CSMD1: variants seen among roughly 807,000 people sequenced by gnomAD.
CSMD1 encodes CUB and sushi domain-containing protein 1.
CSMD1 carries 213 observed loss-of-function variants against 417.5 expected under a neutral mutation model. That is an observed-to-expected ratio of 0.51 (90% CI 0.46 to 0.57). CSMD1 has a LOEUF of 0.57. Ranked by LOEUF, CSMD1 falls within the 20% of genes least tolerant of loss-of-function variation. CSMD1 has a pLI of 0.00. For synonymous variants in CSMD1, 2,862 were observed against 1,736.8 expected (o/e 1.65, Z -16.11); for missense variants, 6,923 against 4,529.7 (o/e 1.53, Z -15.17).
intron 6 of CSMD1, among the ~76,000 whole-genome samples, chr8:3,726,174 G>C (rs896596993): frequency 6.6e-6 from 1 of 152,182 alleles, no homozygotes; most frequent in African/African-American, 2.4e-5. Context: ...ATCTCCACAC[G>C]AATCAGCTCT....
chr8:4,117,276 C>G (rs978671020), intron 3 of CSMD1, among the ~76,000 whole-genome samples: 3 of 151,644 alleles, frequency 2.0e-5, no homozygotes, highest in African/African-American at 7.3e-5. Flanking sequence ...GGAACTCACT[C>G]GAAGCAGCAT....
intron 1 of CSMD1, among the ~76,000 whole-genome samples, chr8:4,843,219 T>G (rs1800942145): frequency 1.3e-5 from 2 of 152,152 alleles, no homozygotes; most frequent in South Asian, 4.1e-4. Context: ...CAGGGCGCTT[T>G]CCTGCATCTT....
chr8:4,396,719 G>T (rs749839030), intron 3 of CSMD1, among the ~76,000 whole-genome samples: 2 of 152,098 alleles, frequency 1.3e-5, no homozygotes, highest in South Asian at 4.1e-4. Context: ...TGAAATCATG[G>T]CATTTGCAGC....
At chr8:3,950,013 C>T in intron 5 of CSMD1, 1 of 455,880 alleles carries the variant, frequency 2.2e-6, no homozygotes, top group Non-Finnish European at 4.4e-6. Context: ...TTGCCAGGGT[C>T]CACGGCATTT....
intron 3 of CSMD1, among the ~76,000 whole-genome samples, chr8:4,266,612 A>G (rs1225235521): frequency 9.5e-6 from 1 of 105,212 alleles, no homozygotes; most frequent in African/African-American, 2.6e-5. Context: ...AATGGCGTAA[A>G]GTGACCTGTC....
intron 1 of CSMD1, among the ~76,000 whole-genome samples, chr8:4,744,468 T>G (rs1016106012): frequency 6.6e-6 from 1 of 152,180 alleles, no homozygotes; most frequent in Non-Finnish European, 1.5e-5. Context: ...ATGCTCTCCA[T>G]AAGTGAGGAA....
At chr8:4,247,982 C>G (rs896055164) in intron 3 of CSMD1, among the ~76,000 whole-genome samples, 2 of 152,066 alleles carry the variant, frequency 1.3e-5, no homozygotes, top group African/African-American at 4.8e-5. Flanking sequence ...CTTCAACCAA[C>G]CTTCAGTTTA....
intron 1 of CSMD1, among the ~76,000 whole-genome samples, chr8:4,958,873 A>T (rs1238650026): frequency 1.3e-5 from 2 of 152,188 alleles, no homozygotes; most frequent in Non-Finnish European, 2.9e-5. Context: ...CAGGTAATTT[A>T]TTGACTTCTC....
Position 3,162,164 on chromosome 8 carries a change from G to A in CSMD1, c.5839C>T (p.Leu1947=), listed in dbSNP as rs1375527643. The A allele has an allele frequency of 6.3e-7, 1 of 1,596,024 alleles. No individual in the cohort carries two copies. The change falls in exon 38 of 70, where the codon CTG becomes TTG. Residue 1947 remains leucine, a synonymous_variant. Coordinates refer to ENST00000635120, the MANE Select transcript of CSMD1 (RefSeq NM_033225.6). ...LSFQCEPGYT[L]QGRSHISCMP... The stretch of plus-strand genomic sequence containing the variant: ...AGCACTGAGAAGAAGGATACCTGCA[G>A]GGTGTACCCGGGCTCGCACTGGAAG...
intron 37 of CSMD1, among the ~76,000 whole-genome samples, chr8:3,168,405 G>A (rs1820366627): frequency 1.3e-5 from 2 of 152,138 alleles, no homozygotes; most frequent in Non-Finnish European, 2.9e-5. Flanking sequence ...ACACAGAGGT[G>A]CTGCTCGTTA....
intron 3 of CSMD1, among the ~76,000 whole-genome samples, chr8:4,255,275 C>G (rs1350663602): frequency 1.3e-5 from 2 of 152,140 alleles, no homozygotes; most frequent in East Asian, 1.9e-4. Context: ...CTTTATCATA[C>G]TCTTCATTTA....
intron 7 of CSMD1, among the ~76,000 whole-genome samples, chr8:3,677,044 C>T (rs935523238): frequency 1.3e-5 from 2 of 152,042 alleles, no homozygotes; most frequent in African/African-American, 4.8e-5. Context: ...AGAACAAATA[C>T]CTAATGCATA....
At chr8:4,962,412 T>C (rs771870664) in intron 1 of CSMD1, among the ~76,000 whole-genome samples, 2 of 152,046 alleles carry the variant, frequency 1.3e-5, no homozygotes, top group Non-Finnish European at 2.9e-5. Context: ...GGTCTTTCTA[T>C]GTCGCCAAAG....
At chr8:3,349,401 A>T (rs1022581400) in intron 21 of CSMD1, among the ~76,000 whole-genome samples, 17 of 152,136 alleles carry the variant, frequency 1.1e-4, no homozygotes, top group Admixed American at 4.6e-4. Flanking sequence ...TGATTTGTGC[A>T]CGTTGAATCT....
At chr8:4,117,171 G>A (rs1018994708) in intron 3 of CSMD1, among the ~76,000 whole-genome samples, 1 of 151,828 alleles carries the variant, frequency 6.6e-6, no homozygotes, top group Non-Finnish European at 1.5e-5. Context: ...AATTATCTGA[G>A]TATTATTCAT....
At chr8:4,545,073 T>A (rs1432586777) in intron 2 of CSMD1, among the ~76,000 whole-genome samples, 1 of 152,250 alleles carries the variant, frequency 6.6e-6, no homozygotes, top group Admixed American at 6.5e-5. Flanking sequence ...CACATATGTG[T>A]GTATGATGTA....
chr8:3,915,144 G>A (rs2912294), intron 5 of CSMD1, among the ~76,000 whole-genome samples: 33,723 of 151,970 alleles, frequency 0.22, 4,502 homozygotes, highest in African/African-American at 0.36. Context: ...AGTAGTTCAC[G>A]CCTGTAATCC....
intron 7 of CSMD1, among the ~76,000 whole-genome samples, chr8:3,621,536 A>C (rs985042952): frequency 8.5e-5 from 13 of 152,236 alleles, no homozygotes; most frequent in East Asian, 5.8e-4. Context: ...ATGGATGTAC[A>C]ATAGCATCAA....
intron 1 of CSMD1, among the ~76,000 whole-genome samples, chr8:4,900,448 T>C (rs1428373059): frequency 6.6e-6 from 1 of 152,100 alleles, no homozygotes; most frequent in Non-Finnish European, 1.5e-5. Flanking sequence ...CTAAATAACA[T>C]TCAGTTTATC....
Sources: allele counts gnomAD v4.1 joint callset (sites outside exome capture counted in the v4.1 genomes callset), GRCh38; gene constraint gnomAD v4.1.1; transcripts MANE v1.5; gene names NCBI Gene and HGNC (gene_info 2026-07-23, HGNC 2026-07-21).